Variants in AKAP6 observed in about 807,000 individuals in gnomAD.
AKAP6 encodes A-kinase anchor protein 6.
A neutral mutation model predicts 188.5 loss-of-function variants in AKAP6; 58 were observed. That is an observed-to-expected ratio of 0.31 (90% confidence interval 0.25 to 0.38). The LOEUF (loss-of-function observed/expected upper bound fraction) is 0.38, where lower values mean the gene tolerates loss of function less well. Ranked by LOEUF, AKAP6 falls within the 10% of genes least tolerant of loss-of-function variation. The pLI is 1.00. For synonymous variants in AKAP6, 989 were observed against 998.6 expected (o/e 0.99, Z 0.18); for missense variants, 2,710 against 2,740.0 (o/e 0.99, Z 0.24).
chr14:32,364,278 G>C (rs1887755888), intron 1 of AKAP6, among the ~76,000 whole-genome samples: 1 of 152,156 alleles, frequency 6.6e-6, no homozygotes, highest in Admixed American at 6.5e-5. Context: ...GTACTTTCTG[G>C]GATTTTTCTA....
intron 2 of AKAP6, among the ~76,000 whole-genome samples, chr14:32,530,421 G>T (rs1408936507): frequency 1.3e-5 from 2 of 152,084 alleles, no homozygotes; most frequent in African/African-American, 4.8e-5. Context: ...GGTGCCAAGT[G>T]TTGCTTCAGT....
At chr14:32,344,322 C>G (rs185559080) in intron 1 of AKAP6, among the ~76,000 whole-genome samples, 2 of 152,306 alleles carry the variant, frequency 1.3e-5, no homozygotes, top group Admixed American at 6.5e-5. Context: ...ATCCAACATG[C>G]ATTGATCTAA....
At chr14:32,786,528 G>A (rs918294278) in intron 12 of AKAP6, among the ~76,000 whole-genome samples, 4 of 151,530 alleles carry the variant, frequency 2.6e-5, no homozygotes, top group African/African-American at 4.8e-5. Flanking sequence ...GTTTTACCGT[G>A]TTAGCCAGGA....
chr14:32,425,964 G>T (rs1488125525), intron 1 of AKAP6, among the ~76,000 whole-genome samples: 1 of 152,094 alleles, frequency 6.6e-6, no homozygotes, highest in Non-Finnish European at 1.5e-5. Flanking sequence ...TGTCTCCAGG[G>T]TTTTTATAGT....
At chr14:32,778,054 A>G (rs1367914196) in intron 12 of AKAP6, among the ~76,000 whole-genome samples, 1 of 152,172 alleles carries the variant, frequency 6.6e-6, no homozygotes, top group African/African-American at 2.4e-5. Context: ...TAAAAATAAA[A>G]AGATAGTGGA....
At chr14:32,717,422 A>C (rs1056433615) in intron 9 of AKAP6, among the ~76,000 whole-genome samples, 1 of 151,892 alleles carries the variant, frequency 6.6e-6, no homozygotes, top group African/African-American at 2.4e-5. Context: ...AATGCTGTTT[A>C]TTTTTATGTA....
chr14:32,450,398 A>C (rs1400445630), intron 2 of AKAP6, among the ~76,000 whole-genome samples: 1 of 151,820 alleles, frequency 6.6e-6, no homozygotes, highest in Non-Finnish European at 1.5e-5. Context: ...ATCAAAATAC[A>C]CTCTTCTATA....
intron 12 of AKAP6, among the ~76,000 whole-genome samples, chr14:32,818,750 GCCACTTGGGCTTAGCT>G (rs149898946): frequency 0.013 from 1,959 of 152,214 alleles, 40 homozygotes; most frequent in African/African-American, 0.044. Context: ...ACTTGCAGGT[GCCACTTGGGCTTAGCT>G]CCCAGCCCAT....
intron 1 of AKAP6, chr14:32,433,206 T>C: frequency 3.2e-6 from 1 of 313,782 alleles, no homozygotes; most frequent in South Asian, 4.5e-5. Flanking sequence ...TACTAAGAAA[T>C]AAGGGAAGAA....
intron 7 of AKAP6, among the ~76,000 whole-genome samples, chr14:32,645,285 A>G (rs893137308): frequency 2.6e-5 from 4 of 152,170 alleles, no homozygotes; most frequent in African/African-American, 9.6e-5. Flanking sequence ...AGCACCGAGG[A>G]CATTTTCAAC....
chr14:32,418,650 T>C, intron 1 of AKAP6, among the ~76,000 whole-genome samples: 1 of 152,198 alleles, frequency 6.6e-6, no homozygotes, highest in East Asian at 1.9e-4. Context: ...TATCTGGTAA[T>C]ATTTAATCTA....
intron 12 of AKAP6, among the ~76,000 whole-genome samples, chr14:32,794,194 A>G (rs1156575875): frequency 6.6e-6 from 1 of 152,198 alleles, no homozygotes; most frequent in Non-Finnish European, 1.5e-5. Flanking sequence ...TTCACTCAAA[A>G]TCACACAACT....
chr14:32,377,998 A>G (rs998916515), intron 1 of AKAP6, among the ~76,000 whole-genome samples: 1 of 152,190 alleles, frequency 6.6e-6, no homozygotes, highest in Non-Finnish European at 1.5e-5. Flanking sequence ...TGAAAATTCT[A>G]AACTTATTAA....
At chr14:32,442,623 A>G (rs1437668710) in intron 2 of AKAP6, 3 of 144,432 alleles carry the variant, frequency 2.1e-5, no homozygotes, top group African/African-American at 8.0e-5. Flanking sequence ...TGAGCAACAT[A>G]GCAAGATCCC....
intron 2 of AKAP6, among the ~76,000 whole-genome samples, chr14:32,471,477 T>C (rs942023845): frequency 2.6e-5 from 4 of 152,268 alleles, no homozygotes; most frequent in African/African-American, 9.6e-5. Flanking sequence ...ATTAGCAGGC[T>C]GAACCTTTTA....
At chr14:32,399,556 G>A (rs1889010499) in intron 1 of AKAP6, among the ~76,000 whole-genome samples, 1 of 152,034 alleles carries the variant, frequency 6.6e-6, no homozygotes, top group Non-Finnish European at 1.5e-5. Context: ...GGGCCTTCTG[G>A]GGACTCCCCA....
intron 2 of AKAP6, among the ~76,000 whole-genome samples, chr14:32,481,333 T>A (rs1879330411): frequency 6.6e-6 from 1 of 152,146 alleles, no homozygotes; most frequent in South Asian, 2.1e-4. Flanking sequence ...TTCATATACA[T>A]CCTTCCAGAG....
chr14:32,821,344 A>G, intron 12 of AKAP6, 58 bp from the exon 13 acceptor site: 1 of 1,510,950 alleles, frequency 6.6e-7, no homozygotes. Flanking sequence ...CAATGGATAA[A>G]ATTTTCATGC....
rs768717011 is a variant in AKAP6 at position 32,773,744 on chromosome 14, C to G, written c.3439C>G (p.Leu1147Val). 3 of 1,614,170 alleles carry G rather than the reference C, an allele frequency of 1.9e-6. No homozygotes were observed. The highest frequency in any genetic ancestry group is 2.5e-6 in the Non-Finnish European group (3 of 1,180,002). The change falls in exon 12 of 14, where the codon CTT becomes GTT. Residue 1147 changes from leucine to valine, a missense_variant. Leu to Val is a conservative substitution (Grantham distance 32, BLOSUM62 1). Transcript: ENST00000280979. ...VASILRLCQH[L>V]LDDRETCNLN... ...CTCCATTCTGCGACTATGCCAGCATCTTTTGGATGACCGGGAGACTTGCAA... is the reference window on the plus strand; with the variant it reads ...CTCCATTCTGCGACTATGCCAGCATGTTTTGGATGACCGGGAGACTTGCAA...
Sources: gnomAD v4.1 joint callset for allele counts (sites outside exome capture counted in the v4.1 genomes callset) on GRCh38, gnomAD v4.1.1 for gene constraint, MANE v1.5 for transcripts, NCBI Gene and HGNC (gene_info 2026-07-23, HGNC 2026-07-21) for gene names.